IFT140: variants seen among roughly 807,000 people sequenced by gnomAD.
IFT140 encodes intraflagellar transport protein 140 homolog.
Under a neutral mutation model 164.6 loss-of-function variants are expected in IFT140, and 133 were observed. The observed-to-expected ratio is 0.81, with a 90% CI of 0.70 to 0.93. The LOEUF is 0.93. Ranked by LOEUF, IFT140 falls within the 40% of genes least tolerant of loss-of-function variation. IFT140 has a pLI of 0.00. For missense variants in IFT140, 2,045 were observed against 1,972.3 expected, an observed-to-expected ratio of 1.04 and a Z score of -0.70; for synonymous variants, 860 against 817.3, an observed-to-expected ratio of 1.05 and a Z score of -0.89.
intron 19 of IFT140, among the ~76,000 whole-genome samples, chr16:1,535,651 G>A (rs1242772249): frequency 2.0e-5 from 3 of 152,144 alleles, no homozygotes; most frequent in East Asian, 3.9e-4. Flanking sequence ...AGCGGGGAAT[G>A]TCATCCCCAC....
intron 19 of IFT140, among the ~76,000 whole-genome samples, chr16:1,530,478 C>T (rs1248164437): frequency 1.3e-5 from 2 of 152,184 alleles, no homozygotes; most frequent in Admixed American, 6.5e-5. Context: ...CACCCTCTCC[C>T]GAGGCCCAGG....
intron 26 of IFT140, among the ~76,000 whole-genome samples, chr16:1,522,606 C>T (rs1273365026): frequency 1.3e-5 from 2 of 151,804 alleles, no homozygotes; most frequent in Admixed American, 6.6e-5. Context: ...TTTGGGGGGC[C>T]GAGGCAGGCA....
At chr16:1,567,626 C>T (rs947671203) in intron 15 of IFT140, among the ~76,000 whole-genome samples, 3 of 152,238 alleles carry the variant, frequency 2.0e-5, no homozygotes, top group South Asian at 4.1e-4. Flanking sequence ...CCTAGCACAG[C>T]GTCTGGCCCA....
At chr16:1,559,724 G>C (rs1321880613) in intron 18 of IFT140, among the ~76,000 whole-genome samples, 1 of 152,238 alleles carries the variant, frequency 6.6e-6, no homozygotes, top group Non-Finnish European at 1.5e-5. Context: ...AATAAAGAGA[G>C]CTGACACTGA....
Position 1,553,899 on chromosome 16 carries a change from TG to T in IFT140, c.2399+4035del. On this transcript the variant is annotated intron_variant, in intron 19 of 30. Transcript: ENST00000426508. This position sits in a 1 kb window ranked among gnomAD's most constrained non-coding sequence, Gnocchi z 4.4. Reference sequence around the variant, plus strand: ...AGTCACGAAACCCTGATTTTCCTGTTGTAAGAACTAAAAAGGTCTTTGGAGC... The same window carrying T: ...AGTCACGAAACCCTGATTTTCCTGTTTAAGAACTAAAAAGGTCTTTGGAGC... 6 of 1,271,472 alleles carry T rather than the reference TG, an allele frequency of 4.7e-6. No homozygotes were observed. The highest frequency in any genetic ancestry group is 5.1e-6 in the Non-Finnish European group (5 of 978,406). The allele number at this position is 1,271,472 out of a possible 1,614,324, so 78.8% of individuals were successfully genotyped here.
chr16:1,528,354 CACGT>C (rs1198965490), intron 19 of IFT140, among the ~76,000 whole-genome samples: 5 of 131,824 alleles, frequency 3.8e-5, no homozygotes, highest in African/African-American at 1.0e-4. Context: ...CGCATGCACG[CACGT>C]GTGCACACAC....
intron 30 of IFT140, among the ~76,000 whole-genome samples, chr16:1,516,557 C>G (rs1417230388): frequency 6.6e-6 from 1 of 151,738 alleles, no homozygotes; most frequent in African/African-American, 2.4e-5. Flanking sequence ...ATCATGAGGT[C>G]AGGAGATCGA....
intron 27 of IFT140, 26 bp from the exon 28 acceptor site, chr16:1,520,369 G>C: frequency 6.2e-7 from 1 of 1,610,228 alleles, no homozygotes; most frequent in South Asian, 1.1e-5. Context: ...GCGGGGCTCA[G>C]GCAAGCAGGG....
Position 1,553,292 on chromosome 16 carries a change from CTGTCTCTCTGTGTCTCTGTCTCTG to C in IFT140, c.2399+4619_2399+4642del, listed in dbSNP as rs1340488938. On this transcript the variant is annotated intron_variant, in intron 19 of 30. Coordinates refer to ENST00000426508, the MANE Select transcript of IFT140 (RefSeq NM_014714.4). This position sits in a 1 kb window ranked among gnomAD's most constrained non-coding sequence, Gnocchi z 4.4. ...GGTCTCTGTCTCTCTGTGTCTCTGCCTGTCTCTCTGTGTCTCTGTCTCTGTGTCTCTGTCCCTGTGTCTCTTTTT... is the reference window on the plus strand; with the variant it reads ...GGTCTCTGTCTCTCTGTGTCTCTGCCTGTCTCTGTCCCTGTGTCTCTTTTT... 1 of 983,088 alleles carries C rather than the reference CTGTCTCTCTGTGTCTCTGTCTCTG, an allele frequency of 1.0e-6. No individual in the cohort carries two copies. Among genetic ancestry groups the C allele is most frequent in the East Asian group, 1.1e-4 (1 of 8,810 alleles). 60.9% of individuals were successfully genotyped at this position (983,088 alleles called of 1,614,324 possible).
Position 1,602,607 on chromosome 16 carries a change from G to T in IFT140, c.148-16C>A. 2 of 1,606,402 alleles carry T rather than the reference G, an allele frequency of 1.2e-6. No homozygotes were observed. The highest frequency in any genetic ancestry group is 2.2e-5 in the South Asian group (2 of 90,960). On this transcript the variant is annotated splice_polypyrimidine_tract_variant and intron_variant, in intron 3 of 30. Transcript: ENST00000426508. Reference sequence around the variant, plus strand: ...CGCACTCCCCCTGCATTGGATGAGAGGCAAATTCCCACAGTTCAGAGAGGG... The same window carrying T: ...CGCACTCCCCCTGCATTGGATGAGATGCAAATTCCCACAGTTCAGAGAGGG...
chr16:1,566,234 T>C lies in IFT140; in HGVS notation c.1828A>G (p.Thr610Ala). ...TGTCCAGTCTTGAAGTCAAAGACGG[T>C]CACTGTGTCCATTTCAACATCGTAG... is the stretch of plus-strand genomic sequence containing the variant. ...CFYDVEMDTV[T>A]VFDFKTGQID... Residue 610 changes from threonine (T) to alanine (A), a missense_variant, in exon 16 of 31, where the codon ACC (threonine) becomes GCC (alanine). Transcript: ENST00000426508. The C allele has an allele frequency of 6.2e-7, 1 of 1,613,846 alleles. No homozygotes were observed. Among genetic ancestry groups the C allele is most frequent in the Non-Finnish European group, 8.5e-7 (1 of 1,179,726 alleles).
rs754889709 is a variant in IFT140 at position 1,524,545 on chromosome 16, G to A, written c.3141+7C>T. ...AGCGCCGGCTCCCCACCCCGGGCCC[G>A]TGGTACCTTGCACAGGCGGATGGCA... On this transcript the variant is annotated splice_region_variant and intron_variant, in intron 24 of 30. Transcript: ENST00000426508. 1.6e-5 allele frequency: 25 copies of A among 1,611,742 alleles called. 1 individual carries two copies. Among genetic ancestry groups the A allele is most frequent in the Non-Finnish European group, 1.9e-5 (22 of 1,179,298 alleles).
chr16:1,534,640 G>A, intron 19 of IFT140: 17 of 1,569,398 alleles, frequency 1.1e-5, no homozygotes, highest in South Asian at 3.3e-5. Flanking sequence ...CCTGGTGAGC[G>A]GGTGGGGAGG....
At chr16:1,541,853 C>T (rs1174841079) in intron 19 of IFT140, 27 of 1,479,444 alleles carry the variant, frequency 1.8e-5, no homozygotes, top group Middle Eastern at 1.8e-4. Flanking sequence ...ACGAAAGTGG[C>T]GTGACGGCTG....
At chr16:1,566,863 G>A (rs2033748037) in intron 15 of IFT140, among the ~76,000 whole-genome samples, 1 of 152,034 alleles carries the variant, frequency 6.6e-6, no homozygotes, top group East Asian at 1.9e-4. Context: ...CACCTCCCTG[G>A]CGGCACCTGC....
chr16:1,518,431 C>G, intron 29 of IFT140, 74 bp from the exon 30 acceptor site: 1 of 1,455,206 alleles, frequency 6.9e-7, no homozygotes, highest in Non-Finnish European at 9.2e-7. Context: ...AGAGGAGACT[C>G]TTGGCCTGTA....
chr16:1,589,404 C>T (rs2035059443), intron 7 of IFT140, among the ~76,000 whole-genome samples: 1 of 152,196 alleles, frequency 6.6e-6, no homozygotes. Flanking sequence ...GCAGGAGAAT[C>T]TCCATCTCTT....
intron 4 of IFT140, among the ~76,000 whole-genome samples, chr16:1,596,756 C>T (rs1015022903): frequency 2.0e-5 from 3 of 152,128 alleles, no homozygotes; most frequent in African/African-American, 7.2e-5. Flanking sequence ...GCCCGAGGCG[C>T]CTCCACCTCC....
chr16:1,602,169 T>C, intron 4 of IFT140: 2 of 592,188 alleles, frequency 3.4e-6, no homozygotes, highest in Non-Finnish European at 6.0e-6. Context: ...AGTTCATTTA[T>C]AAAGGTGCAG....
Sources: gnomAD v4.1 joint callset for allele counts (sites outside exome capture counted in the v4.1 genomes callset) on GRCh38, gnomAD v4.1.1 for gene constraint, Gnocchi (gnomAD v3.1) non-coding constraint, MANE v1.5 for transcripts, NCBI Gene and HGNC (gene_info 2026-07-23, HGNC 2026-07-21) for gene names.